The following SDK1 variants were observed in gnomAD, a reference collection of about 807,000 sequenced individuals.
SDK1 encodes protein sidekick-1.
A neutral mutation model predicts 245.5 loss-of-function variants in SDK1; 157 were observed. The observed-to-expected ratio is 0.64, with a 90% CI of 0.56 to 0.73. The LOEUF is 0.73. Ranked by LOEUF, SDK1 falls within the 30% of genes least tolerant of loss-of-function variation. The pLI, the probability that SDK1 is intolerant of heterozygous loss-of-function variation, is 0.00. For missense variants in SDK1, 3,583 were observed against 3,002.3 expected, an observed-to-expected ratio of 1.19 and a Z score of -4.52; for synonymous variants, 1,647 against 1,278.5, an observed-to-expected ratio of 1.29 and a Z score of -6.15.
intron 35 of SDK1, among the ~76,000 whole-genome samples, chr7:4,185,963 G>A (rs1204653513): frequency 2.0e-5 from 3 of 152,266 alleles, no homozygotes; most frequent in African/African-American, 7.2e-5. Context: ...TCTAAGGGGG[G>A]ATGGAGCGGC....
rs1779708545 is a variant in SDK1 at position 3,560,317 on chromosome 7, A to G, written c.299-58763A>G. ...CTATATGCTGATGATATCCAAATGT[A>G]TGTCTTTTATCTTTATTTCATCTCT... On this transcript the variant is annotated intron_variant, in intron 1 of 44. Transcript: ENST00000404826. 3.3e-5 allele frequency among the ~76,000 whole-genome samples: 5 copies of G among 152,056 alleles called. No individual in the cohort carries two copies. In the South Asian group the frequency reaches 8.3e-4, roughly 25 times the overall value.
At chr7:3,444,024 A>G (rs1275544991) in intron 1 of SDK1, among the ~76,000 whole-genome samples, 1 of 152,240 alleles carries the variant, frequency 6.6e-6, no homozygotes, top group Non-Finnish European at 1.5e-5. Flanking sequence ...GATTCAAGAG[A>G]GGCGGTTGTG....
chr7:3,378,012 C>G (rs1401390510), intron 1 of SDK1, among the ~76,000 whole-genome samples: 5 of 152,096 alleles, frequency 3.3e-5, no homozygotes, highest in Non-Finnish European at 7.4e-5. Context: ...CTCCTGGGCT[C>G]AAGTGATCCG....
intron 1 of SDK1, among the ~76,000 whole-genome samples, chr7:3,360,933 A>G (rs552804175): frequency 6.6e-6 from 1 of 152,322 alleles, no homozygotes; most frequent in South Asian, 2.1e-4. Flanking sequence ...TCGATGGGTT[A>G]TTCAACACGT....
intron 4 of SDK1, among the ~76,000 whole-genome samples, chr7:3,791,807 C>T (rs144332160): frequency 6.6e-6 from 1 of 152,238 alleles, no homozygotes; most frequent in East Asian, 1.9e-4. Flanking sequence ...GAACAAAGCT[C>T]CTCAGTACCT....
At chr7:3,457,675 C>A (rs1308886279) in intron 1 of SDK1, among the ~76,000 whole-genome samples, 2 of 152,108 alleles carry the variant, frequency 1.3e-5, no homozygotes, top group African/African-American at 2.4e-5. Context: ...ATTTCCTTTT[C>A]CTTTTCTTCC....
At chr7:4,117,091 G>T (rs1383162281) in intron 25 of SDK1, among the ~76,000 whole-genome samples, 8 of 152,210 alleles carry the variant, frequency 5.3e-5, no homozygotes, top group Non-Finnish European at 8.8e-5. Context: ...CCAGTAAAAG[G>T]CAGGCCAAGA....
chr7:3,761,757 T>A (rs554661649), intron 4 of SDK1, among the ~76,000 whole-genome samples: 1 of 152,048 alleles, frequency 6.6e-6, no homozygotes, highest in African/African-American at 2.4e-5. Flanking sequence ...ATTATAGTTA[T>A]GAAATCATGC....
At chr7:3,839,135 C>T (rs1038358406) in intron 5 of SDK1, among the ~76,000 whole-genome samples, 5 of 152,274 alleles carry the variant, frequency 3.3e-5, no homozygotes, top group African/African-American at 9.6e-5. Flanking sequence ...CCTGAGAACA[C>T]GCCTGGGGTC....
chr7:3,576,037 CAAGAA>C (rs1425108386), intron 1 of SDK1, among the ~76,000 whole-genome samples: 8 of 151,870 alleles, frequency 5.3e-5, no homozygotes, highest in African/African-American at 1.9e-4. Flanking sequence ...GGTAAAGAAA[CAAGAA>C]AAGGGAAAGA....
At chr7:3,493,289 T>A (rs1781920008) in intron 1 of SDK1, among the ~76,000 whole-genome samples, 2 of 152,148 alleles carry the variant, frequency 1.3e-5, no homozygotes, top group Non-Finnish European at 2.9e-5. Context: ...TGTCCATCCA[T>A]CTCCCTACCC....
chr7:3,460,459 T>G (rs981126070), intron 1 of SDK1, among the ~76,000 whole-genome samples: 1 of 152,300 alleles, frequency 6.6e-6, no homozygotes, highest in East Asian at 1.9e-4. Flanking sequence ...CTCAAAAGAT[T>G]TTATAACTTT....
At chr7:3,311,891 G>A (rs1030081133) in intron 1 of SDK1, among the ~76,000 whole-genome samples, 6 of 152,228 alleles carry the variant, frequency 3.9e-5, no homozygotes, top group African/African-American at 1.4e-4. Flanking sequence ...TTTCTGATCT[G>A]AATACACGCC....
chr7:3,934,046 C>T (rs1182628258), intron 5 of SDK1, among the ~76,000 whole-genome samples: 1 of 152,210 alleles, frequency 6.6e-6, no homozygotes, highest in African/African-American at 2.4e-5. Context: ...AGCCGCACGG[C>T]ATCCAGGCAG....
At chr7:3,663,213 T>C (rs751098615) in intron 4 of SDK1, among the ~76,000 whole-genome samples, 104 of 152,270 alleles carry the variant, frequency 6.8e-4, no homozygotes, top group Non-Finnish European at 1.1e-3. Context: ...ATGAGTAAAA[T>C]TGTGATACTT....
intron 5 of SDK1, among the ~76,000 whole-genome samples, chr7:3,847,673 C>T (rs1260067022): frequency 6.6e-6 from 1 of 152,178 alleles, no homozygotes; most frequent in Non-Finnish European, 1.5e-5. Flanking sequence ...TTTTGAAAGC[C>T]GTGTGTCCCC....
At chr7:3,902,317 A>T (rs950382952) in intron 5 of SDK1, among the ~76,000 whole-genome samples, 1 of 152,188 alleles carries the variant, frequency 6.6e-6, no homozygotes, top group Admixed American at 6.5e-5. Context: ...TTCTCCCACA[A>T]TAAGAACCCT....
chr7:3,727,740 C>T (rs1340414734), intron 4 of SDK1, among the ~76,000 whole-genome samples: 1 of 152,192 alleles, frequency 6.6e-6, no homozygotes, highest in Non-Finnish European at 1.5e-5. Flanking sequence ...ATCCACCCGC[C>T]TCAGCCTCCC....
chr7:4,051,346 A>G (rs966603251), intron 18 of SDK1, among the ~76,000 whole-genome samples: 2 of 148,764 alleles, frequency 1.3e-5, no homozygotes, highest in African/African-American at 2.5e-5. Context: ...AACCTTCTTA[A>G]GTGAAGAGAG....
Sources: gnomAD v4.1 joint callset for allele counts (sites outside exome capture counted in the v4.1 genomes callset) on GRCh38, gnomAD v4.1.1 for gene constraint, MANE v1.5 for transcripts, NCBI Gene and HGNC (gene_info 2026-07-23, HGNC 2026-07-21) for gene names.